Variants in FOXP1 observed in about 807,000 individuals in gnomAD.
FOXP1 encodes forkhead box P1.
FOXP1 carries 15 observed loss-of-function variants against 98.2 expected under a neutral mutation model. That is an observed-to-expected ratio of 0.15 (90% CI 0.10 to 0.24). The LOEUF (loss-of-function observed/expected upper bound fraction) is 0.24. Among genes scored for constraint, FOXP1 ranks in the 10% least tolerant of loss-of-function variants. FOXP1 has a pLI of 1.00. For missense variants in FOXP1, 633 were observed against 848.5 expected (o/e 0.75, Z 3.15); for synonymous variants, 371 against 314.5 (o/e 1.18, Z -1.90).
chr3:71,581,770 C>T (rs912238915), intron 1 of FOXP1, 73 bp from the exon 2 acceptor site: 4 of 985,660 alleles, frequency 4.1e-6, no homozygotes, highest in Admixed American at 6.1e-5. Context: ...CTGAAGGGGA[C>T]GGGACGGGTG....
rs75814443 is a variant in FOXP1, at chr3:71,494,709, G to A, written c.-297-1154C>T. 6.5e-3 allele frequency among the ~76,000 whole-genome samples: 988 copies of A among 152,202 alleles called. 8 individuals carry two copies. Among genetic ancestry groups the A allele is most frequent in the African/African-American group, 0.022 (931 of 41,522 alleles). On this transcript the variant is annotated intron_variant, in intron 2 of 20. Coordinates refer to ENST00000649528, the MANE Select transcript of FOXP1 (RefSeq NM_001349338.3). ...ATACAGATTCCTGGGACCCATCCCC[G>A]AAGACTCTGATTCACTAGATCTGGA...
intron 12 of FOXP1, 44 bp from the exon 13 acceptor site, chr3:71,001,103 A>G (rs1459906448): frequency 1.4e-6 from 2 of 1,461,262 alleles, no homozygotes; most frequent in Non-Finnish European, 1.9e-6. Context: ...TGGAGAAACA[A>G]AAAGGAAAAT....
intron 3 of FOXP1, among the ~76,000 whole-genome samples, chr3:71,363,309 T>A (rs2078699769): frequency 6.6e-6 from 1 of 152,248 alleles, no homozygotes. Flanking sequence ...TACTCAATAT[T>A]GTGTACAACT....
chr3:71,272,037 T>A (rs902847935), intron 5 of FOXP1, among the ~76,000 whole-genome samples: 1 of 152,186 alleles, frequency 6.6e-6, no homozygotes, highest in Admixed American at 6.5e-5. Flanking sequence ...ATAAAGCACC[T>A]ATTATACATT....
chr3:71,088,924 A>C (rs1382173279), intron 7 of FOXP1, among the ~76,000 whole-genome samples: 2 of 152,194 alleles, frequency 1.3e-5, no homozygotes, highest in Non-Finnish European at 2.9e-5. Flanking sequence ...TGAAGTGAAT[A>C]ATACTTTGGC....
intron 3 of FOXP1, among the ~76,000 whole-genome samples, chr3:71,477,600 C>G (rs1432371038): frequency 6.6e-6 from 1 of 152,096 alleles, no homozygotes; most frequent in South Asian, 2.1e-4. Flanking sequence ...AGTTAGCAAA[C>G]ATTTCTAACC....
chr3:71,475,069 A>C (rs1244259987), intron 3 of FOXP1, among the ~76,000 whole-genome samples: 1 of 151,954 alleles, frequency 6.6e-6, no homozygotes, highest in Non-Finnish European at 1.5e-5. Context: ...TCTCCATCCT[A>C]TGGCTCCCAC....
chr3:71,550,526 A>C (rs1365030273), intron 2 of FOXP1, among the ~76,000 whole-genome samples: 1 of 152,240 alleles, frequency 6.6e-6, no homozygotes, highest in African/African-American at 2.4e-5. Flanking sequence ...ATATATTTTT[A>C]AACTAAATTA....
At position 70,995,688 on chromosome 3, in the gene FOXP1, C is replaced by G. The variant is rs76068464; in HGVS notation, c.1062+5284G>C. 1.1e-4 allele frequency among the ~76,000 whole-genome samples: 17 copies of G among 152,254 alleles called. No individual in the cohort carries two copies. The East Asian group carries it at 3.1e-3, about 28-fold the overall frequency. ...TAAAATGTTTAAAAATTATAACTGT[C>G]TTTGCAATAATGAAATGCAGTAGGA... On this transcript the variant is annotated intron_variant, in intron 13 of 20. Transcript: ENST00000649528.
At chr3:71,003,713 A>G (rs1037529513) in intron 12 of FOXP1, among the ~76,000 whole-genome samples, 5 of 152,136 alleles carry the variant, frequency 3.3e-5, no homozygotes, top group African/African-American at 1.2e-4. Flanking sequence ...TGATTGGAGG[A>G]TTTTTATCAG....
chr3:71,193,502 G>A (rs1295521998), intron 6 of FOXP1, among the ~76,000 whole-genome samples: 2 of 147,104 alleles, frequency 1.4e-5, no homozygotes, highest in Non-Finnish European at 3.0e-5. Context: ...AGGCTGGAGT[G>A]CAGTGGTGCA....
In FOXP1 at chr3:70,959,097, A is replaced by C. The variant is rs2032558007; in HGVS notation, c.*150T>G. On this transcript the variant is annotated 3_prime_UTR_variant, in exon 21 of 21. Transcript: ENST00000649528. Reference sequence around the variant, plus strand: ...CCAAATGGGGTTCTTGATGGCACTAAGAGTTAACACATTTCAGAGTTGTCA... The same window carrying C: ...CCAAATGGGGTTCTTGATGGCACTACGAGTTAACACATTTCAGAGTTGTCA... The C allele has an allele frequency of 1.2e-6, 1 of 866,034 alleles. No individual in the cohort carries two copies. The highest frequency in any genetic ancestry group is 1.8e-6 in the Non-Finnish European group (1 of 547,594). The allele number at this position is 866,034 out of a possible 1,614,324, so 53.6% of individuals were successfully genotyped here.
chr3:71,225,607 T>G (rs2065772855), intron 5 of FOXP1, among the ~76,000 whole-genome samples: 1 of 152,236 alleles, frequency 6.6e-6, no homozygotes, highest in Admixed American at 6.5e-5. Flanking sequence ...TTGCATATTT[T>G]GAAGGTATTT....
rs771667463 is a variant in FOXP1 at position 70,965,883 on chromosome 3, T to C, written c.1889+7A>G. 1.2e-6 allele frequency: 2 copies of C among 1,613,616 alleles called. No individual in the cohort carries two copies. The highest frequency in any genetic ancestry group is 3.3e-5 in the Admixed American group (2 of 60,022). On this transcript the variant is annotated splice_region_variant and intron_variant, in intron 20 of 20. Transcript: ENST00000649528. The stretch of plus-strand genomic sequence containing the variant: ...TAGCAAAGACCTGTTGGGTGGACAA[T>C]ACTCACACGGCTTGCATAGGAGATC...
At chr3:71,029,498 C>A (rs1485240164) in intron 11 of FOXP1, among the ~76,000 whole-genome samples, 1 of 151,972 alleles carries the variant, frequency 6.6e-6, no homozygotes, top group Non-Finnish European at 1.5e-5. Flanking sequence ...TCAAGTGATT[C>A]TTGTGCCTCA....
At chr3:71,357,035 A>T (rs1009175488) in intron 4 of FOXP1, among the ~76,000 whole-genome samples, 2 of 152,182 alleles carry the variant, frequency 1.3e-5, no homozygotes, top group African/African-American at 2.4e-5. Flanking sequence ...AGATACAGGG[A>T]GCAACAAATC....
intron 3 of FOXP1, among the ~76,000 whole-genome samples, chr3:71,370,479 A>G (rs79554675): frequency 0.037 from 5,669 of 152,246 alleles, 355 homozygotes; most frequent in African/African-American, 0.13. Flanking sequence ...AAATATAATT[A>G]TCCTTAAAAA....
rs1560425135 is a variant in FOXP1, at chr3:71,397,017, T to TACAC, written c.-167-37774_-167-37773insGTGT. Among the ~76,000 whole-genome samples the TACAC allele has an allele frequency of 2.7e-4, 24 of 89,316 alleles. 3 individuals are homozygous for TACAC. The highest frequency in any genetic ancestry group is 6.9e-4 in the African/African-American group (14 of 20,426). The allele number at this position is 89,316 out of a possible 152,430, so 58.6% of individuals were successfully genotyped here. On this transcript the variant is annotated intron_variant, in intron 3 of 20. Transcript: ENST00000649528. ...ATACACATATATATGTGTATATATATATATATACATATATATGTGTATATA... is the reference window on the plus strand; with the variant it reads ...ATACACATATATATGTGTATATATATACACATATATACATATATATGTGTATATA...
At position 71,312,652 on chromosome 3, in the gene FOXP1, G is replaced by T. The variant is rs145241824; in HGVS notation, c.-72-12772C>A. ...TGCAGTGAGCTAGCATGGTGCTGCC[G>T]CACAATAGCCTGGGCAATAAAGTGA... is the stretch of plus-strand genomic sequence containing the variant. On this transcript the variant is annotated intron_variant, in intron 4 of 20. Transcript: ENST00000649528. Among the ~76,000 whole-genome samples the T allele has an allele frequency of 8.5e-4, 130 of 152,326 alleles. 1 individual carries two copies. The highest frequency in any genetic ancestry group is 3.0e-3 in the African/African-American group (125 of 41,550).
Sources: gnomAD v4.1 joint callset for allele counts (sites outside exome capture counted in the v4.1 genomes callset) on GRCh38, gnomAD v4.1.1 for gene constraint, MANE v1.5 for transcripts, NCBI Gene and HGNC (gene_info 2026-07-23, HGNC 2026-07-21) for gene names.